Variants in ZFHX3 observed in about 807,000 individuals in gnomAD.
ZFHX3 encodes the protein zinc finger homeobox protein 3.
Under a neutral mutation model 279.1 loss-of-function variants are expected in ZFHX3, and 42 were observed. That is an observed-to-expected ratio of 0.15 (90% CI 0.12 to 0.19). ZFHX3 has a LOEUF of 0.19. ZFHX3 is among the 10% of genes least tolerant of loss of function. ZFHX3 has a pLI of 1.00. For synonymous variants in ZFHX3, 2,293 were observed against 1,957.8 expected (o/e 1.17, Z -4.52); for missense variants, 4,981 against 4,754.0 (o/e 1.05, Z -1.40).
chr16:73,480,810 A>G (rs1241121445), intron 2 of ZFHX3, among the ~76,000 whole-genome samples: 1 of 152,146 alleles, frequency 6.6e-6, no homozygotes, highest in African/African-American at 2.4e-5. Context: ...ATCTACACAC[A>G]TTGGCCCTTA....
chr16:73,727,382 C>G (rs1295058994), intron 1 of ZFHX3, among the ~76,000 whole-genome samples: 1 of 152,188 alleles, frequency 6.6e-6, no homozygotes, highest in Non-Finnish European at 1.5e-5. Flanking sequence ...TTAGATGGTT[C>G]AAGAGGAGAG....
chr16:73,820,712 C>A (rs1423012655), intron 1 of ZFHX3, among the ~76,000 whole-genome samples: 1 of 151,966 alleles, frequency 6.6e-6, no homozygotes, highest in East Asian at 1.9e-4. Context: ...TTATTTTAAG[C>A]CACCAAGCTC....
chr16:73,371,583 T>G (rs1022649214), intron 3 of ZFHX3, among the ~76,000 whole-genome samples: 15 of 151,890 alleles, frequency 9.9e-5, no homozygotes, highest in Non-Finnish European at 7.4e-5. Flanking sequence ...GGAAGCTCCA[T>G]CCACCAAAAG....
chr16:73,478,363 A>G (rs903022076), intron 2 of ZFHX3, among the ~76,000 whole-genome samples: 14 of 152,006 alleles, frequency 9.2e-5, no homozygotes, highest in African/African-American at 2.7e-4. Flanking sequence ...TAAAAGTCTG[A>G]TGCTCTACCA....
chr16:73,103,157 G>A (rs779609236), intron 7 of ZFHX3, among the ~76,000 whole-genome samples: 2 of 152,094 alleles, frequency 1.3e-5, no homozygotes, highest in African/African-American at 4.8e-5. Context: ...ACTCCTGACC[G>A]CAAGTGATCC....
chr16:73,376,457 T>C (rs2016724996), intron 3 of ZFHX3, among the ~76,000 whole-genome samples: 1 of 152,232 alleles, frequency 6.6e-6, no homozygotes, highest in Non-Finnish European at 1.5e-5. Context: ...TACCACCTAC[T>C]TGCTGAACTT....
chr16:73,341,495 C>T (rs1313150139), intron 3 of ZFHX3, among the ~76,000 whole-genome samples: 1 of 152,106 alleles, frequency 6.6e-6, no homozygotes, highest in African/African-American at 2.4e-5. Context: ...AGTGAAACTA[C>T]ATTAAAACAG....
chr16:72,831,201 G>C (rs936281528), intron 4 of ZFHX3, among the ~76,000 whole-genome samples: 1 of 152,134 alleles, frequency 6.6e-6, no homozygotes, highest in African/African-American at 2.4e-5. Flanking sequence ...GTCTCAAAGG[G>C]TTTCTAAAAC....
chr16:72,840,111 T>C (rs553843128), intron 4 of ZFHX3, among the ~76,000 whole-genome samples: 1 of 150,854 alleles, frequency 6.6e-6, no homozygotes, highest in South Asian at 2.1e-4. Flanking sequence ...GAGAGAGATC[T>C]TATGCTTAAT....
At chr16:73,299,383 C>T (rs966982200) in intron 4 of ZFHX3, among the ~76,000 whole-genome samples, 2 of 152,174 alleles carry the variant, frequency 1.3e-5, no homozygotes, top group African/African-American at 2.4e-5. Flanking sequence ...GGCAGTTCTA[C>T]CTCCAACATC....
At chr16:73,745,672 T>C (rs898157526) in intron 1 of ZFHX3, among the ~76,000 whole-genome samples, 13 of 152,300 alleles carry the variant, frequency 8.5e-5, no homozygotes, top group African/African-American at 2.6e-4. Flanking sequence ...CCTTTCTTTT[T>C]ACCATGAACA....
intron 2 of ZFHX3, among the ~76,000 whole-genome samples, chr16:73,648,686 A>T (rs2142163417): frequency 6.6e-6 from 1 of 152,334 alleles, no homozygotes; most frequent in Middle Eastern, 3.4e-3. Flanking sequence ...TGCTGGGATT[A>T]TAAGTGTGAG....
intron 1 of ZFHX3, among the ~76,000 whole-genome samples, chr16:73,690,656 G>A (rs1033309645): frequency 2.0e-5 from 3 of 152,180 alleles, no homozygotes; most frequent in African/African-American, 4.8e-5. Context: ...TTTAGCAAAC[G>A]TGATGCAATT....
In ZFHX3 at chr16:73,760,427, A is replaced by T. The variant is rs1433584635; in HGVS notation, c.-1607-80187T>A. On this transcript the variant is annotated intron_variant, in intron 1 of 17. Coordinates refer to the ZFHX3 transcript ENST00000641206. ...AATAGAAAAAGAGGGAATCCTCCCT[A>T]AATCATTTTATGAGGCCAGCATCAT... Among the ~76,000 whole-genome samples the T allele has an allele frequency of 2.6e-5, 4 of 152,200 alleles. No homozygotes were observed. The East Asian group carries it at 7.7e-4, about 29-fold the overall frequency.
chr16:72,850,043 T>A (rs1042566718), intron 4 of ZFHX3, among the ~76,000 whole-genome samples: 1 of 152,050 alleles, frequency 6.6e-6, no homozygotes, highest in African/African-American at 2.4e-5. Flanking sequence ...ACAAGAGGAT[T>A]AGAGAAATCA....
At chr16:73,416,202 T>C (rs548092331) in intron 3 of ZFHX3, among the ~76,000 whole-genome samples, 4 of 152,104 alleles carry the variant, frequency 2.6e-5, no homozygotes, top group Admixed American at 6.5e-5. Context: ...GACAGTGACT[T>C]GTTCAAAGTC....
rs2144443271 is a variant in ZFHX3 at position 72,958,509 on chromosome 16, C to T, written c.1637G>A (p.Gly546Asp). 1.9e-6 allele frequency: 3 copies of T among 1,614,034 alleles called. No homozygotes were observed. The highest frequency in any genetic ancestry group is 2.5e-6 in the Non-Finnish European group (3 of 1,180,050). Residue 546 changes from glycine (G) to aspartate (D), a missense_variant, in exon 2 of 10, where the codon GGC becomes GAC. By Grantham distance (94) the Gly-to-Asp change is moderately conservative. Around this residue, in one of 7 missense-constraint regions of ZFHX3, gnomAD observed 1,068 missense variants for 935.2 expected, o/e 1.14. Transcript: ENST00000268489. ...MPNVLQTLSR[G>D]TASTSSNSAS... ...AGAATTAGAACTAGTAGAAGCTGTG[C>T]CCCTCGACAGGGTCTGGAGCACGTT... is the stretch of plus-strand genomic sequence containing the variant.
chr16:73,878,318 T>C (rs1225772106), intron 1 of ZFHX3, among the ~76,000 whole-genome samples: 1 of 152,126 alleles, frequency 6.6e-6, no homozygotes, highest in South Asian at 2.1e-4. Flanking sequence ...CGAGAGGTGA[T>C]TACTTTTTAT....
chr16:73,683,397 T>C (rs962613940), intron 1 of ZFHX3, among the ~76,000 whole-genome samples: 1 of 152,334 alleles, frequency 6.6e-6, no homozygotes, highest in African/African-American at 2.4e-5. Flanking sequence ...TTTATAAATA[T>C]GTAGACATAG....
Sources: allele counts gnomAD v4.1 joint callset (sites outside exome capture counted in the v4.1 genomes callset), GRCh38; gene constraint gnomAD v4.1.1; regional missense constraint gnomAD v4.1.1; transcripts MANE v1.5; gene names NCBI Gene and HGNC (gene_info 2026-07-23, HGNC 2026-07-21).